Variants in ERLIN2 observed in about 807,000 individuals in gnomAD.
ERLIN2 encodes ER lipid raft associated 2.
Under a neutral mutation model 41.5 loss-of-function variants are expected in ERLIN2, and 22 were observed. The observed-to-expected ratio is 0.53, with a 90% confidence interval of 0.38 to 0.76. The LOEUF (loss-of-function observed/expected upper bound fraction) is 0.76, where lower values mean the gene tolerates loss of function less well. Among genes scored for constraint, ERLIN2 ranks in the 30% least tolerant of loss-of-function variants. ERLIN2 has a pLI of 0.00. For synonymous variants in ERLIN2, 149 were observed against 150.9 expected (o/e 0.99, Z 0.09); for missense variants, 247 against 414.3 (o/e 0.60, Z 3.51).
At chr8:37,747,799 C>G (rs559133046) in intron 6 of ERLIN2, 2 of 1,614,014 alleles carry the variant, frequency 1.2e-6, no homozygotes, top group African/African-American at 1.3e-5. Flanking sequence ...TTCTGTGTTA[C>G]AAAACTTATG....
intron 5 of ERLIN2, 60 bp downstream of exon 5, chr8:37,744,476 G>A (rs185972839): frequency 3.7e-6 from 6 of 1,606,902 alleles, no homozygotes; most frequent in East Asian, 2.2e-5. Context: ...CCACTCCCGT[G>A]TCTGTTGTAG....
Position 37,758,407 on chromosome 8 carries a change from C to A in ERLIN2, c.*4292C>A, listed in dbSNP as rs1303654166. The A allele has an allele frequency of 1.3e-5, 2 of 152,126 alleles. No individual in the cohort carries two copies. The highest frequency in any genetic ancestry group is 4.8e-5 in the African/African-American group (2 of 41,412). The allele number at this position is 152,126 out of a possible 1,614,324, so 9.4% of individuals were successfully genotyped here. A position where few individuals can be genotyped will look rare whatever the true frequency, so the allele number is the denominator to read the frequency against. ...GTTTCTTCATTAATAAAATGAGTTG[C>A]ATGGCTTATATGAAATAATGCATAC... On this transcript the variant is annotated 3_prime_UTR_variant, in exon 12 of 12. Coordinates refer to ENST00000519638, the MANE Select transcript of ERLIN2 (RefSeq NM_007175.8).
chr8:37,741,603 T>G lies in ERLIN2; in HGVS notation c.190-169T>G, dbSNP rs1802854872. 6.6e-6 allele frequency among the ~76,000 whole-genome samples: 1 copy of G among 152,244 alleles called. No homozygotes were observed. ...GTGAGGCTGGGGCACGGGCCTTTAC[T>G]TGGCTTAGCAACCCTGTGAGGAAGG... is the stretch of plus-strand genomic sequence containing the variant. On this transcript the variant is annotated intron_variant, in intron 3 of 11. Transcript: ENST00000519638. This position sits in a 1 kb window ranked among gnomAD's most constrained non-coding sequence, Gnocchi z 4.8.
Position 37,755,751 on chromosome 8 carries a change from TAC to T in ERLIN2, c.*1638_*1639del, listed in dbSNP as rs1329022652. The T allele has an allele frequency of 1.3e-5, 2 of 152,088 alleles. No homozygotes were observed. Among genetic ancestry groups the T allele is most frequent in the African/African-American group, 4.8e-5 (2 of 41,384 alleles). 9.4% of individuals were successfully genotyped at this position (152,088 alleles called of 1,614,324 possible). ...GGAGCATTGAGCCTGCCTAGAAAGA[TAC>T]AGTGTTAGCTCCCCTTACTTCAAAG... On this transcript the variant is annotated 3_prime_UTR_variant, in exon 12 of 12. Coordinates refer to ENST00000519638, the MANE Select transcript of ERLIN2 (RefSeq NM_007175.8).
chr8:37,747,440 G>A, intron 6 of ERLIN2: 2 of 1,611,126 alleles, frequency 1.2e-6, no homozygotes, highest in Non-Finnish European at 1.7e-6. Flanking sequence ...TTGCGCTCCA[G>A]CTGTTTTTCA....
intron 1 of ERLIN2, chr8:37,737,688 T>C: frequency 1.8e-6 from 1 of 544,740 alleles, no homozygotes; most frequent in Non-Finnish European, 3.3e-6. Context: ...GAGCCAGTGC[T>C]TCCTCAGTGC....
rs1803403052 is a variant in ERLIN2 at position 37,758,377 on chromosome 8, C to T, written c.*4262C>T. On this transcript the variant is annotated 3_prime_UTR_variant, in exon 12 of 12. Transcript: ENST00000519638. The stretch of plus-strand genomic sequence containing the variant: ...GAATAAGTTTTTTGACCTCTCTAAG[C>T]CTCAGTTTCTTCATTAATAAAATGA... 6.6e-6 allele frequency: 1 copy of T among 152,300 alleles called. No individual in the cohort carries two copies. Among genetic ancestry groups the T allele is most frequent in the South Asian group, 2.1e-4 (1 of 4,830 alleles). 9.4% of individuals were successfully genotyped at this position (152,300 alleles called of 1,614,324 possible). A position where few individuals can be genotyped will look rare whatever the true frequency, so the allele number is the denominator to read the frequency against.
chr8:37,737,823 G>T, intron 1 of ERLIN2, 85 bp from the exon 2 acceptor site: 5 of 1,536,416 alleles, frequency 3.3e-6, no homozygotes, highest in Non-Finnish European at 4.5e-6. Flanking sequence ...CTCGCAGGGA[G>T]CTCAGCTTGG....
Position 37,748,344 on chromosome 8 carries a change from A to G in ERLIN2, c.425-1215A>G, listed in dbSNP as rs1006833162. Among the ~76,000 whole-genome samples, 144 of 152,338 alleles carry G rather than the reference A, an allele frequency of 9.5e-4. 1 individual carries two copies. The highest frequency in any genetic ancestry group is 3.3e-3 in the African/African-American group (138 of 41,582). On this transcript the variant is annotated intron_variant, in intron 6 of 11. Coordinates refer to ENST00000519638, the MANE Select transcript of ERLIN2 (RefSeq NM_007175.8). ...TAAAATTACTTAAAATATGAAATGT[A>G]ATATTTAGTTCTAGTTGTTAAATTG...
chr8:37,743,154 A>G (rs577918745), intron 4 of ERLIN2, among the ~76,000 whole-genome samples: 2 of 152,364 alleles, frequency 1.3e-5, no homozygotes, highest in East Asian at 3.9e-4. Flanking sequence ...TTGGACAGAG[A>G]CTTACAAGAA....
chr8:37,745,821 G>C, intron 6 of ERLIN2: 1 of 1,356,334 alleles, frequency 7.4e-7, no homozygotes. Flanking sequence ...TTAAGAAAAA[G>C]TTGGTAAATT....
In ERLIN2 at chr8:37,747,780, C is replaced by A. The variant is rs61738830; in HGVS notation, c.425-1779C>A. 4.0e-4 allele frequency: 648 copies of A among 1,613,190 alleles called. 3 individuals carry two copies. In the African/African-American group the frequency reaches 7.7e-3, roughly 19 times the overall value. On this transcript the variant is annotated intron_variant, in intron 6 of 11. Coordinates refer to ENST00000519638, the MANE Select transcript of ERLIN2 (RefSeq NM_007175.8). ...CTTCAGGTCTCCGCAGATACATAGT[C>A]TCTTCGTCTTCTGTGTTACAAAACT...
chr8:37,746,660 A>G, intron 6 of ERLIN2: 1 of 337,488 alleles, frequency 3.0e-6, no homozygotes, highest in Non-Finnish European at 4.2e-6. Flanking sequence ...CCCTTGGGTT[A>G]CTTATTCAGA....
At position 37,755,715 on chromosome 8, in the gene ERLIN2, C is replaced by T. The variant is rs1322739390; in HGVS notation, c.*1600C>T. 6.6e-6 allele frequency: 1 copy of T among 152,142 alleles called. No homozygotes were observed. The highest frequency in any genetic ancestry group is 1.5e-5 in the Non-Finnish European group (1 of 68,044). 9.4% of individuals were successfully genotyped at this position (152,142 alleles called of 1,614,324 possible). On this transcript the variant is annotated 3_prime_UTR_variant, in exon 12 of 12. Transcript: ENST00000519638. ...GTCCCAGAGCTTGGGCCAGCTTGCT[C>T]AGAAGTTTTGGGAGCATTGAGCCTG...
chr8:37,741,610 A>T lies in ERLIN2; in HGVS notation c.190-162A>T. Among the ~76,000 whole-genome samples the T allele has an allele frequency of 6.6e-6, 1 of 152,246 alleles. No individual in the cohort carries two copies. The highest frequency in any genetic ancestry group is 1.9e-4 in the East Asian group (1 of 5,202). On this transcript the variant is annotated intron_variant, in intron 3 of 11. Transcript: ENST00000519638. The surrounding 1 kb of genome is among the most constrained non-coding windows in gnomAD (Gnocchi z 4.8). ...TGGGGCACGGGCCTTTACTTGGCTT[A>T]GCAACCCTGTGAGGAAGGAGGATTA...
intron 2 of ERLIN2, among the ~76,000 whole-genome samples, 179 bp downstream of exon 2, chr8:37,738,208 T>C (rs1016222009): frequency 2.0e-5 from 3 of 152,200 alleles, no homozygotes; most frequent in Non-Finnish European, 2.9e-5. Flanking sequence ...CACACACACA[T>C]ATATATGTAA....
In ERLIN2 at chr8:37,736,682, C is replaced by T; in HGVS notation, c.-16+4C>T. 1 of 985,616 alleles carries T rather than the reference C, an allele frequency of 1.0e-6. No homozygotes were observed. Among genetic ancestry groups the T allele is most frequent in the East Asian group, 1.1e-4 (1 of 8,814 alleles). The allele number at this position is 985,616 out of a possible 1,614,324, so 61.1% of individuals were successfully genotyped here. A position where few individuals can be genotyped will look rare whatever the true frequency, so the allele number is the denominator to read the frequency against. On this transcript the variant is annotated splice_donor_region_variant and intron_variant, in intron 1 of 11. Coordinates refer to ENST00000519638, the MANE Select transcript of ERLIN2 (RefSeq NM_007175.8). ...GAGCGCCTGCAGGGACAGCCTGGTA[C>T]GCGGCCCCCGCCCCTTCGTGCGCGC... is the stretch of plus-strand genomic sequence containing the variant.
In ERLIN2 at chr8:37,744,368, A is replaced by G. The variant is rs1802961258; in HGVS notation, c.250A>G (p.Ile84Val). 1 of 1,613,984 alleles carries G rather than the reference A, an allele frequency of 6.2e-7. No homozygotes were observed. Among genetic ancestry groups the G allele is most frequent in the Non-Finnish European group, 8.5e-7 (1 of 1,179,880 alleles). ...VPCGTSGGVM[I>V]YFDRIEVVNF... ...TCCCTCCAATAGTGGTGGTGTGATGATCTACTTTGACAGAATTGAAGTGGT... is the reference window on the plus strand; with the variant it reads ...TCCCTCCAATAGTGGTGGTGTGATGGTCTACTTTGACAGAATTGAAGTGGT... The change falls in exon 5 of 12, where the codon ATC becomes GTC. Residue 84 changes from isoleucine (I) to valine (V), a missense_variant. By Grantham distance (29) the Ile-to-Val change is conservative (BLOSUM62 3). Transcript: ENST00000519638.
In ERLIN2 at chr8:37,741,929, C is replaced by T; in HGVS notation, c.236+111C>T. 1.2e-6 allele frequency: 1 copy of T among 805,886 alleles called. No individual in the cohort carries two copies. Among genetic ancestry groups the T allele is most frequent in the East Asian group, 2.5e-5 (1 of 39,348 alleles). 49.9% of individuals were successfully genotyped at this position (805,886 alleles called of 1,614,324 possible). ...GGAGGCACCCTTTCTTGGTTAATTC[C>T]CTGTCTCGTAGCTCCCTATATTGAT... On this transcript the variant is annotated intron_variant, in intron 4 of 11. Transcript: ENST00000519638. The surrounding 1 kb of genome is among the most constrained non-coding windows in gnomAD (Gnocchi z 4.8).
Sources: allele counts gnomAD v4.1 joint callset (sites outside exome capture counted in the v4.1 genomes callset), GRCh38; gene constraint gnomAD v4.1.1; non-coding constraint Gnocchi (gnomAD v3.1); transcripts MANE v1.5; gene names NCBI Gene and HGNC (gene_info 2026-07-23, HGNC 2026-07-21).